Variants in PDE4D observed in about 807,000 individuals in gnomAD.
The protein encoded by PDE4D is phosphodiesterase 4D, also known as 3',5'-cyclic-AMP phosphodiesterase 4D.
PDE4D carries 24 observed loss-of-function variants against 87.4 expected under a neutral mutation model. That is an observed-to-expected ratio of 0.27 (90% confidence interval 0.20 to 0.39). The LOEUF is 0.39. Ranked by LOEUF, PDE4D falls within the 10% of genes least tolerant of loss-of-function variation. The pLI is 1.00. For synonymous variants in PDE4D, 384 were observed against 383.2 expected, an observed-to-expected ratio of 1.00 and a Z score of -0.02; for missense variants, 714 against 1,041.0, an observed-to-expected ratio of 0.69 and a Z score of 4.32.
intron 3 of PDE4D, among the ~76,000 whole-genome samples, chr5:59,934,757 AT>A (rs1248007315): frequency 3.3e-5 from 5 of 152,180 alleles, no homozygotes; most frequent in Non-Finnish European, 7.4e-5. Flanking sequence ...GATATGCAAC[AT>A]TTGAATAAGC....
intron 1 of PDE4D, among the ~76,000 whole-genome samples, chr5:59,781,784 C>CAAAAAAAAAAAAAAAAAAA (rs58613622): frequency 2.5e-5 from 1 of 39,862 alleles, no homozygotes; most frequent in Non-Finnish European, 4.6e-5. Context: ...CACTCCATCT[C>CAAAAAAAAAAAAAAAAAAA]AAAAAAAAAA....
intron 1 of PDE4D, among the ~76,000 whole-genome samples, chr5:59,398,960 A>G (rs1413482246): frequency 2.5e-5 from 3 of 118,844 alleles, no homozygotes; most frequent in Non-Finnish European, 5.3e-5. Context: ...GAGCCAAATC[A>G]TGAGTGAACT....
chr5:59,713,756 A>C (rs1754562665), intron 1 of PDE4D, among the ~76,000 whole-genome samples: 1 of 152,184 alleles, frequency 6.6e-6, no homozygotes, highest in Admixed American at 6.5e-5. Context: ...CGGAGAAAGC[A>C]CTGAAGCAGC....
intron 1 of PDE4D, among the ~76,000 whole-genome samples, chr5:59,815,238 C>A (rs535828514): frequency 6.6e-6 from 1 of 152,296 alleles, no homozygotes; most frequent in African/African-American, 2.4e-5. Flanking sequence ...TTATCCATTC[C>A]AAAAGGAGGA....
intron 1 of PDE4D, among the ~76,000 whole-genome samples, chr5:59,281,755 G>T (rs552619788): frequency 6.6e-6 from 1 of 152,122 alleles, no homozygotes; most frequent in Admixed American, 6.5e-5. Context: ...GCACCATTTG[G>T]CTTTCTGTCC....
intron 3 of PDE4D, among the ~76,000 whole-genome samples, chr5:59,948,017 T>C (rs1313947840): frequency 1.3e-5 from 2 of 151,938 alleles, no homozygotes; most frequent in African/African-American, 4.8e-5. Flanking sequence ...AAAAAAAGAG[T>C]AGCTCCAAAG....
intron 1 of PDE4D, among the ~76,000 whole-genome samples, chr5:59,558,963 A>G (rs1819461421): frequency 6.6e-6 from 1 of 152,148 alleles, no homozygotes; most frequent in Admixed American, 6.5e-5. Flanking sequence ...TGAAGCTCAA[A>G]ATTGTAAGCT....
intron 1 of PDE4D, among the ~76,000 whole-genome samples, chr5:59,429,351 G>A (rs978323436): frequency 2.0e-5 from 3 of 152,098 alleles, no homozygotes; most frequent in Non-Finnish European, 4.4e-5. Context: ...TGATACTCTG[G>A]AGAAAAGAAT....
chr5:59,595,862 A>G (rs1055843633), intron 1 of PDE4D, among the ~76,000 whole-genome samples: 1 of 152,044 alleles, frequency 6.6e-6, no homozygotes, highest in Non-Finnish European at 1.5e-5. Context: ...GACATAGTAG[A>G]TGTATTGTAT....
At chr5:59,572,249 T>C (rs1821962014) in intron 1 of PDE4D, among the ~76,000 whole-genome samples, 1 of 152,246 alleles carries the variant, frequency 6.6e-6, no homozygotes, top group Non-Finnish European at 1.5e-5. Flanking sequence ...GGACTCAGGA[T>C]TCTAAAATCT....
At chr5:59,364,670 T>G (rs1210032712) in intron 1 of PDE4D, among the ~76,000 whole-genome samples, 3 of 152,216 alleles carry the variant, frequency 2.0e-5, no homozygotes, top group African/African-American at 7.2e-5. Flanking sequence ...CAAGTATTTT[T>G]CTAAATATTC....
At chr5:59,675,430 A>G (rs1366843219) in intron 1 of PDE4D, among the ~76,000 whole-genome samples, 2 of 152,198 alleles carry the variant, frequency 1.3e-5, no homozygotes, top group Non-Finnish European at 2.9e-5. Context: ...TTTGAAGGAT[A>G]TGAAATGGCA....
intron 1 of PDE4D, among the ~76,000 whole-genome samples, chr5:59,600,988 T>C (rs201955499): frequency 6.6e-6 from 1 of 152,132 alleles, no homozygotes; most frequent in Non-Finnish European, 1.5e-5. Flanking sequence ...CAGAAGATGA[T>C]GTATGTGCCA....
At chr5:59,001,226 T>G (rs1284802220) in intron 6 of PDE4D, among the ~76,000 whole-genome samples, 1 of 152,172 alleles carries the variant, frequency 6.6e-6, no homozygotes, top group Non-Finnish European at 1.5e-5. Flanking sequence ...TTTAGTTGAT[T>G]TTAGCATATA....
intron 2 of PDE4D, among the ~76,000 whole-genome samples, chr5:60,046,644 G>T (rs1168297755): frequency 1.3e-5 from 2 of 150,196 alleles, no homozygotes; most frequent in Non-Finnish European, 3.0e-5. Flanking sequence ...TTTGTCTTTG[G>T]TTCTGTTTAT....
chr5:60,268,456 C>T (rs997540267), intron 1 of PDE4D, among the ~76,000 whole-genome samples: 1 of 152,164 alleles, frequency 6.6e-6, no homozygotes, highest in African/African-American at 2.4e-5. Context: ...GGACCCTCTT[C>T]GGGTGTGGAC....
intron 5 of PDE4D, among the ~76,000 whole-genome samples, chr5:59,160,822 G>T (rs1780970850): frequency 6.6e-6 from 1 of 152,146 alleles, no homozygotes; most frequent in African/African-American, 2.4e-5. Context: ...TTTTGGCCGG[G>T]TGTGGTGGCT....
intron 1 of PDE4D, among the ~76,000 whole-genome samples, chr5:59,856,945 G>A (rs1745531935): frequency 6.6e-6 from 1 of 151,858 alleles, no homozygotes; most frequent in Non-Finnish European, 1.5e-5. Flanking sequence ...ACTAGATAAG[G>A]CCCTAAGCAT....
chr5:59,422,260 C>T (rs1794597806), intron 1 of PDE4D, among the ~76,000 whole-genome samples: 2 of 152,222 alleles, frequency 1.3e-5, no homozygotes, highest in South Asian at 4.1e-4. Context: ...TCCTTAGACA[C>T]CTGTAACATC....
Sources: gnomAD v4.1 joint callset for allele counts (sites outside exome capture counted in the v4.1 genomes callset) on GRCh38, gnomAD v4.1.1 for gene constraint, MANE v1.5 for transcripts, NCBI Gene and HGNC (gene_info 2026-07-23, HGNC 2026-07-21) for gene names.